The following RFTN1 variants were observed in gnomAD, a reference collection of about 807,000 sequenced individuals.
RFTN1 encodes the protein raftlin, lipid raft linker 1.
In RFTN1, 26 loss-of-function variants were observed where a neutral mutation model predicts 46.5. The observed-to-expected ratio is 0.56, with a 90% CI of 0.41 to 0.78. The LOEUF (loss-of-function observed/expected upper bound fraction) is 0.78, where lower values mean the gene tolerates loss of function less well. Ranked by LOEUF, RFTN1 falls within the 30% of genes least tolerant of loss-of-function variation. The pLI, the probability that RFTN1 is intolerant of heterozygous loss-of-function variation, is 0.00. For missense variants in RFTN1, 693 were observed against 718.7 expected, an observed-to-expected ratio of 0.96 and a Z score of 0.41; for synonymous variants, 261 against 284.2, an observed-to-expected ratio of 0.92 and a Z score of 0.82.
chr3:16,345,815 TGTGCGCGCGCGCGTGC>T lies in RFTN1; in HGVS notation c.1146+12101_1146+12116del, dbSNP rs2071644016. ...GTGTGTGTGTGTGTGTGTGTGTGTG[TGTGCGCGCGCGCGTGC>T]GCGCACGCGCACATGTGCATGTGTA... is the stretch of plus-strand genomic sequence containing the variant. On this transcript the variant is annotated intron_variant, in intron 7 of 9. Coordinates refer to ENST00000334133, the MANE Select transcript of RFTN1 (RefSeq NM_015150.2). This position sits in a 1 kb window ranked among gnomAD's most constrained non-coding sequence, Gnocchi z 5.2. 2.4e-5 allele frequency among the ~76,000 whole-genome samples: 2 copies of T among 82,346 alleles called. No homozygotes were observed. The highest frequency in any genetic ancestry group is 2.8e-4 in the East Asian group (1 of 3,602). 54.0% of individuals were successfully genotyped at this position (82,346 alleles called of 152,430 possible). A position where few individuals can be genotyped will look rare whatever the true frequency, so the allele number is the denominator to read the frequency against.
At chr3:16,390,989 CTCTGAAGAA>C (rs2074330642) in intron 4 of RFTN1, among the ~76,000 whole-genome samples, 1 of 152,168 alleles carries the variant, frequency 6.6e-6, no homozygotes, top group East Asian at 1.9e-4. Flanking sequence ...ACCTTTTTCT[CTCTGAAGAA>C]TCTTTCTTTC....
chr3:16,323,429 C>CA lies in RFTN1; in HGVS notation c.1278dup (p.Val427CysfsTer39). On this transcript the variant is annotated frameshift_variant, in exon 9 of 10. Transcript: ENST00000334133. LOFTEE classifies it high-confidence loss of function. ...GGTAGACAAGGTCTCTGAAGAAAGACAATCTGCTTGGTGGATACACTCCCC... is the reference window on the plus strand; with the variant it reads ...GGTAGACAAGGTCTCTGAAGAAAGACAAATCTGCTTGGTGGATACACTCCCC... 6.2e-7 allele frequency: 1 copy of CA among 1,612,548 alleles called. No homozygotes were observed. The highest frequency in any genetic ancestry group is 2.2e-5 in the East Asian group (1 of 44,882).
At chr3:16,366,074 G>T (rs1049150019) in intron 6 of RFTN1, among the ~76,000 whole-genome samples, 5 of 152,186 alleles carry the variant, frequency 3.3e-5, no homozygotes, top group Admixed American at 2.0e-4. Context: ...GTGGGCAGGG[G>T]TGTGGAGCAG....
intron 3 of RFTN1, among the ~76,000 whole-genome samples, chr3:16,412,965 G>A (rs1466897161): frequency 6.6e-6 from 1 of 152,202 alleles, no homozygotes; most frequent in African/African-American, 2.4e-5. Context: ...ACTGCAGCCT[G>A]AGCCAACACT....
Position 16,507,548 on chromosome 3 carries a change from C to T in RFTN1, c.-9+5894G>A, listed in dbSNP as rs552700168. Among the ~76,000 whole-genome samples, 4 of 151,906 alleles carry T rather than the reference C, an allele frequency of 2.6e-5. No homozygotes were observed. The highest frequency in any genetic ancestry group is 4.4e-5 in the Non-Finnish European group (3 of 68,010). On this transcript the variant is annotated intron_variant, in intron 1 of 9. Transcript: ENST00000334133. This position sits in a 1 kb window ranked among gnomAD's most constrained non-coding sequence, Gnocchi z 7.1. The stretch of plus-strand genomic sequence containing the variant: ...GGAACTTTAGCGCTATTCCATAAAA[C>T]TTGAAGGATTCCTCAGGACAAAGGG...
intron 6 of RFTN1, among the ~76,000 whole-genome samples, chr3:16,365,001 C>CA (rs1317753696): frequency 1.3e-5 from 2 of 152,310 alleles, no homozygotes; most frequent in Non-Finnish European, 2.9e-5. Context: ...ATGATCTGTA[C>CA]AGTTTTTTAC....
chr3:16,397,605 T>C (rs1169860841), intron 4 of RFTN1, among the ~76,000 whole-genome samples: 1 of 152,122 alleles, frequency 6.6e-6, no homozygotes. Context: ...ACAATAAAAA[T>C]AAAACTTAAA....
Position 16,433,723 on chromosome 3 carries a change from C to CTT in RFTN1, c.332+127_332+128insAA, listed in dbSNP as rs2075439937. On this transcript the variant is annotated intron_variant, in intron 3 of 9. Coordinates refer to ENST00000334133, the MANE Select transcript of RFTN1 (RefSeq NM_015150.2). This position sits in a 1 kb window ranked among gnomAD's most constrained non-coding sequence, Gnocchi z 4.4. ...TTGTCTAACTGTTTGCCTCACCTGT[C>CTT]TGAGGGCTGAGGCCCTGAGGACAGC... 2 of 925,706 alleles carry CTT rather than the reference C, an allele frequency of 2.2e-6. No homozygotes were observed. The highest frequency in any genetic ancestry group is 2.9e-5 in the South Asian group (2 of 68,590). 57.3% of individuals were successfully genotyped at this position (925,706 alleles called of 1,614,324 possible). A position where few individuals can be genotyped will look rare whatever the true frequency, so the allele number is the denominator to read the frequency against.
rs1483122529 is a variant in RFTN1, at chr3:16,480,830, T to C, written c.145+12895A>G. On this transcript the variant is annotated intron_variant, in intron 2 of 9. Coordinates refer to ENST00000334133, the MANE Select transcript of RFTN1 (RefSeq NM_015150.2). The surrounding 1 kb of genome is among the most constrained non-coding windows in gnomAD (Gnocchi z 4.3). ...CTTTAACCAAATTAGATAACAATTA[T>C]TACCACTACCTCAAGGCTGCTTTTA... 6.6e-6 allele frequency among the ~76,000 whole-genome samples: 1 copy of C among 152,222 alleles called. No homozygotes were observed. Among genetic ancestry groups the C allele is most frequent in the African/African-American group, 2.4e-5 (1 of 41,454 alleles).
intron 4 of RFTN1, among the ~76,000 whole-genome samples, chr3:16,393,911 G>A (rs570592291): frequency 1.2e-4 from 18 of 151,878 alleles, no homozygotes; most frequent in African/African-American, 2.4e-4. Context: ...TGCCTGCCTC[G>A]GCCTCCCAAA....
At chr3:16,368,208 C>T (rs914516937) in intron 6 of RFTN1, among the ~76,000 whole-genome samples, 3 of 152,160 alleles carry the variant, frequency 2.0e-5, no homozygotes, top group Admixed American at 6.5e-5. Flanking sequence ...CCAAGTTGGC[C>T]CCAAGCATGT....
In RFTN1 at chr3:16,429,095, G is replaced by A. The variant is rs1007736390; in HGVS notation, c.332+4756C>T. Among the ~76,000 whole-genome samples the A allele has an allele frequency of 6.6e-6, 1 of 152,168 alleles. No homozygotes were observed. The highest frequency in any genetic ancestry group is 1.5e-5 in the Non-Finnish European group (1 of 68,040). ...CAAAGTAACTTGAGTCAAAGTAACTGACTTGACTAAATTCAATACACTTAG... is the reference window on the plus strand; with the variant it reads ...CAAAGTAACTTGAGTCAAAGTAACTAACTTGACTAAATTCAATACACTTAG... On this transcript the variant is annotated intron_variant, in intron 3 of 9. Coordinates refer to ENST00000334133, the MANE Select transcript of RFTN1 (RefSeq NM_015150.2). This position sits in a 1 kb window ranked among gnomAD's most constrained non-coding sequence, Gnocchi z 6.4.
At chr3:16,377,648 C>G in intron 5 of RFTN1, 70 bp downstream of exon 5, 4 of 1,514,940 alleles carry the variant, frequency 2.6e-6, no homozygotes, top group Middle Eastern at 1.8e-4. Flanking sequence ...TCTGAGATAC[C>G]ATGGGGATTA....
intron 4 of RFTN1, among the ~76,000 whole-genome samples, chr3:16,408,213 G>C (rs980579439): frequency 6.6e-6 from 1 of 151,904 alleles, no homozygotes; most frequent in Non-Finnish European, 1.5e-5. Flanking sequence ...CGACCTGTCC[G>C]AGCACAGCCG....
intron 9 of RFTN1, among the ~76,000 whole-genome samples, chr3:16,323,005 G>T (rs983155361): frequency 1.3e-5 from 2 of 152,178 alleles, no homozygotes; most frequent in Non-Finnish European, 2.9e-5. Context: ...AGCTGATAAT[G>T]AGATTAAGAC....
At chr3:16,482,935 C>G (rs1021824753) in intron 2 of RFTN1, 2 of 1,010,732 alleles carry the variant, frequency 2.0e-6, no homozygotes, top group Non-Finnish European at 2.9e-6. Context: ...CCAACTCTGA[C>G]CCTGGGGCCT....
chr3:16,349,995 A>C (rs1230165335), intron 7 of RFTN1: 3 of 152,166 alleles, frequency 2.0e-5, no homozygotes, highest in Admixed American at 1.3e-4. Context: ...CACATTAGGA[A>C]GGGTAATGTG....
rs1318082052 is a variant in RFTN1, at chr3:16,376,184, C to T, written c.826+1534G>A. ...AGTGTCAGGACTACTGAGCCTGTAC[C>T]CCAATAATAGCAGCTCATACTCATG... is the stretch of plus-strand genomic sequence containing the variant. On this transcript the variant is annotated intron_variant, in intron 5 of 9. Transcript: ENST00000334133. The surrounding 1 kb of genome is among the most constrained non-coding windows in gnomAD (Gnocchi z 4.7). 4.6e-5 allele frequency among the ~76,000 whole-genome samples: 7 copies of T among 152,116 alleles called. No homozygotes were observed. The highest frequency in any genetic ancestry group is 1.0e-4 in the Non-Finnish European group (7 of 68,020).
chr3:16,403,015 C>T (rs906066593), intron 4 of RFTN1, among the ~76,000 whole-genome samples: 1 of 152,148 alleles, frequency 6.6e-6, no homozygotes, highest in African/African-American at 2.4e-5. Context: ...GGGCAGGGAG[C>T]GTGGCTTTCT....
Sources: allele counts gnomAD v4.1 joint callset (sites outside exome capture counted in the v4.1 genomes callset), GRCh38; gene constraint gnomAD v4.1.1; non-coding constraint Gnocchi (gnomAD v3.1); transcripts MANE v1.5; gene names NCBI Gene and HGNC (gene_info 2026-07-23, HGNC 2026-07-21).